The following CCDC141 variants were observed in gnomAD, a reference collection of about 807,000 sequenced individuals.
The protein encoded by CCDC141 is coiled-coil domain containing 141, also known as coiled-coil domain-containing protein 141.
Under a neutral mutation model 181.0 loss-of-function variants are expected in CCDC141, and 168 were observed. That is an observed-to-expected ratio of 0.93 (90% CI 0.82 to 1.05). CCDC141 has a LOEUF of 1.05. CCDC141 is among the 50% of genes least tolerant of loss of function. The probability of loss-of-function intolerance (pLI) is 0.00; values close to 1 mark genes in which losing one functional copy is unlikely to be tolerated. For missense variants in CCDC141, 1,902 were observed against 1,788.5 expected (o/e 1.06, Z -1.14); for synonymous variants, 666 against 642.3 (o/e 1.04, Z -0.56).
At chr2:178,862,463 T>C (rs1410946821) in intron 17 of CCDC141, among the ~76,000 whole-genome samples, 1 of 152,244 alleles carries the variant, frequency 6.6e-6, no homozygotes. Flanking sequence ...TATTTACTTA[T>C]TACATTTCTA....
At chr2:178,901,398 C>T (rs551946481) in intron 8 of CCDC141, among the ~76,000 whole-genome samples, 1 of 152,116 alleles carries the variant, frequency 6.6e-6, no homozygotes, top group African/African-American at 2.4e-5. Flanking sequence ...CATCAAAAAG[C>T]TTATCCACCA....
chr2:178,862,305 G>A (rs890264603), intron 17 of CCDC141, among the ~76,000 whole-genome samples: 1 of 152,130 alleles, frequency 6.6e-6, no homozygotes, highest in Non-Finnish European at 1.5e-5. Flanking sequence ...TTGAGAACAC[G>A]GATACCAACC....
chr2:178,845,859 A>T, intron 21 of CCDC141, 117 bp from the exon 22 acceptor site: 8 of 717,552 alleles, frequency 1.1e-5, no homozygotes, highest in Non-Finnish European at 1.8e-5. Flanking sequence ...AATATATTCC[A>T]CAAGAGACTG....
intron 6 of CCDC141, among the ~76,000 whole-genome samples, chr2:178,920,802 C>G (rs1022681645): frequency 2.6e-5 from 4 of 151,744 alleles, no homozygotes; most frequent in African/African-American, 9.7e-5. Flanking sequence ...TTTGTGGTGT[C>G]CATGGAAACT....
intron 15 of CCDC141, 84 bp downstream of exon 15, chr2:178,869,033 G>T: frequency 3.2e-6 from 3 of 935,028 alleles, no homozygotes; most frequent in Non-Finnish European, 4.5e-6. Context: ...GACACAATTT[G>T]GCCTTTATTT....
chr2:178,948,217 G>A (rs1303817966), intron 5 of CCDC141, among the ~76,000 whole-genome samples: 1 of 150,022 alleles, frequency 6.7e-6, no homozygotes, highest in African/African-American at 2.5e-5. Context: ...AAAAAAAAAA[G>A]TTAGTATTGA....
Position 178,853,469 on chromosome 2 carries a change from C to T in CCDC141, c.3216G>A (p.Glu1072=), listed in dbSNP as rs761724218. 6.2e-7 allele frequency: 1 copy of T among 1,614,062 alleles called. No individual in the cohort carries two copies. Among genetic ancestry groups the T allele is most frequent in the Admixed American group, 1.7e-5 (1 of 60,000 alleles). Reference sequence around the variant, plus strand: ...ATAAGTGCTGAGCAAGGTCAGTGGCCTCCTGAATCCTTTCTTCTTGCTGCG... The same window carrying T: ...ATAAGTGCTGAGCAAGGTCAGTGGCTTCCTGAATCCTTTCTTCTTGCTGCG... ...SVPQQEERIQ[E]ATDLAQHLYG... The change falls in exon 20 of 24, where the codon GAG becomes GAA. Residue 1072 remains glutamate, a synonymous_variant. Coordinates refer to ENST00000443758, the MANE Select transcript of CCDC141 (RefSeq NM_173648.4).
At position 178,855,522 on chromosome 2, in the gene CCDC141, T is replaced by C; in HGVS notation, c.2885A>G (p.Glu962Gly). ...ATCAGAGGTTTTATTACTAACTTTT[T>C]CCATTTTCCTTTTCAAAGCCTGTGT... ...EKMQALKRKM[E>G]KVSNKTSDSF... The change falls in exon 19 of 24, where the codon GAA (glutamate) becomes GGA (glycine). Residue 962 changes from glutamate (E) to glycine (G), a missense_variant. Physicochemically the swap from Glu to Gly is moderately conservative, Grantham distance 98 (BLOSUM62 -2). Transcript: ENST00000443758. The C allele has an allele frequency of 6.3e-7, 1 of 1,586,190 alleles. No individual in the cohort carries two copies. Among genetic ancestry groups the C allele is most frequent in the South Asian group, 1.2e-5 (1 of 83,698 alleles).
intron 9 of CCDC141, among the ~76,000 whole-genome samples, chr2:178,887,186 G>A (rs1400059350): frequency 3.3e-5 from 5 of 152,094 alleles, no homozygotes; most frequent in Non-Finnish European, 5.9e-5. Flanking sequence ...GAAGGATAAT[G>A]CACTTGCTAA....
chr2:178,855,380 G>A lies in CCDC141; in HGVS notation c.3027C>T (p.Asp1009=). The change falls in exon 19 of 24, where the codon GAC becomes GAT. Residue 1009 remains aspartate, a synonymous_variant. Transcript: ENST00000443758. ...KVVTDYKKNL[D]LTEHFQEVIE... is the part of the protein sequence containing the mutation. ...TCACCTCCTGGAAATGCTCAGTCAG[G>A]TCCAAATTCTTCTTGTAATCTGTCA... 1 of 1,611,884 alleles carries A rather than the reference G, an allele frequency of 6.2e-7. No homozygotes were observed.
At chr2:178,818,264 T>A in the CCDC141 span, among the ~76,000 whole-genome samples, 1 of 152,170 alleles carries the variant, frequency 6.6e-6, no homozygotes, top group Non-Finnish European at 1.5e-5. Flanking sequence ...ACAAAACCCA[T>A]AAAGGTGACT....
chr2:178,862,854 T>C (rs1685680677), intron 17 of CCDC141, among the ~76,000 whole-genome samples: 1 of 152,208 alleles, frequency 6.6e-6, no homozygotes. Context: ...CCTTGAGGTA[T>C]TGAGTTCTTT....
At chr2:178,837,773 T>C (rs2154365852) in intron 22 of CCDC141, 29 bp from the exon 23 acceptor site, 2 of 1,559,392 alleles carry the variant, frequency 1.3e-6, no homozygotes, top group African/African-American at 1.4e-5. Context: ...AAATCATCCT[T>C]ATTCATTCAT....
chr2:178,898,407 A>T (rs1687515592), intron 8 of CCDC141, among the ~76,000 whole-genome samples: 1 of 152,146 alleles, frequency 6.6e-6, no homozygotes, highest in Non-Finnish European at 1.5e-5. Flanking sequence ...TCTTTTATAT[A>T]TTACCAGTCT....
At chr2:178,851,785 T>C (rs1184062890) in intron 20 of CCDC141, among the ~76,000 whole-genome samples, 2 of 152,240 alleles carry the variant, frequency 1.3e-5, no homozygotes, top group Non-Finnish European at 2.9e-5. Flanking sequence ...CTGTGGTCTC[T>C]TGAATGGAGG....
intron 1 of CCDC141, 148 bp downstream of exon 1, chr2:179,049,692 A>G: frequency 1.4e-6 from 1 of 712,026 alleles, no homozygotes. Context: ...GGTTTCTCTT[A>G]GTAGCCCATT....
chr2:179,026,927 T>G (rs1055803760), intron 2 of CCDC141, among the ~76,000 whole-genome samples: 6 of 152,264 alleles, frequency 3.9e-5, no homozygotes, highest in African/African-American at 1.4e-4. Flanking sequence ...CCCTTTGTTT[T>G]GGCCAATTTC....
At chr2:178,840,436 A>T (rs1157118054) in intron 22 of CCDC141, among the ~76,000 whole-genome samples, 1 of 152,222 alleles carries the variant, frequency 6.6e-6, no homozygotes, top group Non-Finnish European at 1.5e-5. Context: ...AGAAACTTGA[A>T]TACAAGTCCA....
chr2:178,907,967 C>A (rs1315854091), intron 7 of CCDC141, among the ~76,000 whole-genome samples: 9 of 151,530 alleles, frequency 5.9e-5, no homozygotes. Context: ...ACATTGCACT[C>A]CAGCCTGGGC....
Sources: allele counts gnomAD v4.1 joint callset (sites outside exome capture counted in the v4.1 genomes callset), GRCh38; gene constraint gnomAD v4.1.1; transcripts MANE v1.5; gene names NCBI Gene and HGNC (gene_info 2026-07-23, HGNC 2026-07-21).